Variants in PCDHGB1 observed in about 807,000 individuals in gnomAD.
PCDHGB1 encodes the protein protocadherin gamma-B1.
A neutral mutation model predicts 56.6 loss-of-function variants in PCDHGB1; 34 were observed. The observed-to-expected ratio is 0.60, with a 90% CI of 0.46 to 0.80. The LOEUF is 0.80. Ranked by LOEUF, PCDHGB1 falls within the 30% of genes least tolerant of loss-of-function variation. PCDHGB1 has a pLI of 0.00. For synonymous variants in PCDHGB1, 561 were observed against 505.9 expected, an observed-to-expected ratio of 1.11 and a Z score of -1.46; for missense variants, 1,278 against 1,204.6, an observed-to-expected ratio of 1.06 and a Z score of -0.90.
At chr5:141,381,990 C>T (rs1182122495) in intron 1 of PCDHGB1, among the ~76,000 whole-genome samples, 1 of 151,686 alleles carries the variant, frequency 6.6e-6, no homozygotes, top group Middle Eastern at 3.4e-3. Flanking sequence ...CCACCACGCC[C>T]GGATAATTTT....
At chr5:141,372,309 C>A in intron 1 of PCDHGB1, 1 of 1,613,518 alleles carries the variant, frequency 6.2e-7, no homozygotes, top group Non-Finnish European at 8.5e-7. Flanking sequence ...GGAGGCCGCC[C>A]GCCAGCGCCT....
At chr5:141,357,481 G>A (rs1760624394) in intron 1 of PCDHGB1, 15 of 1,614,106 alleles carry the variant, frequency 9.3e-6, no homozygotes, top group Non-Finnish European at 1.3e-5. Context: ...CTCCCTCACC[G>A]CGGACTCGCG....
At chr5:141,445,524 TA>T (rs1180348783) in intron 1 of PCDHGB1, among the ~76,000 whole-genome samples, 1 of 152,192 alleles carries the variant, frequency 6.6e-6, no homozygotes, top group Admixed American at 6.5e-5. Flanking sequence ...ACAGGTCTGA[TA>T]AAAGCCAACA....
chr5:141,393,815 C>T (rs2092850609), intron 1 of PCDHGB1: 1 of 1,613,922 alleles, frequency 6.2e-7, no homozygotes, highest in Non-Finnish European at 8.5e-7. Context: ...CCAAATTGCT[C>T]ATTTCGGTGG....
At chr5:141,438,741 A>T (rs1184994731) in intron 1 of PCDHGB1, among the ~76,000 whole-genome samples, 3 of 148,914 alleles carry the variant, frequency 2.0e-5, no homozygotes, top group South Asian at 2.1e-4. Context: ...AGCTCACTGC[A>T]ACCTCTGCCT....
At chr5:141,408,500 A>G in intron 1 of PCDHGB1, 1 of 1,614,018 alleles carries the variant, frequency 6.2e-7, no homozygotes, top group Non-Finnish European at 8.5e-7. Context: ...CAAAGAGAGA[A>G]GAAGATGTGA....
At chr5:141,354,049 T>A (rs1339397353) in intron 1 of PCDHGB1, among the ~76,000 whole-genome samples, 1 of 152,250 alleles carries the variant, frequency 6.6e-6, no homozygotes, top group Non-Finnish European at 1.5e-5. Flanking sequence ...GCACATGCAA[T>A]GATAATCCAT....
At position 141,350,955 on chromosome 5, in the gene PCDHGB1, C is replaced by T. The variant is rs1440968204; in HGVS notation, c.695C>T (p.Ala232Val). Reference protein sequence around the residue: ...TTHIWIRVTDANDNAPVFSQE... With the variant: ...TTHIWIRVTDVNDNAPVFSQE... The stretch of plus-strand genomic sequence containing the variant: ...CATATCTGGATCCGAGTTACGGATG[C>T]CAATGATAATGCTCCCGTGTTTAGC... The change falls in exon 1 of 4, where the codon GCC becomes GTC. Residue 232 changes from alanine to valine, a missense_variant. Coordinates refer to ENST00000523390, the MANE Select transcript of PCDHGB1 (RefSeq NM_018922.3). 6.2e-7 allele frequency: 1 copy of T among 1,614,070 alleles called. No individual in the cohort carries two copies. The highest frequency in any genetic ancestry group is 8.5e-7 in the Non-Finnish European group (1 of 1,179,906).
At chr5:141,461,225 T>C (rs1157429654) in intron 1 of PCDHGB1, among the ~76,000 whole-genome samples, 3 of 152,162 alleles carry the variant, frequency 2.0e-5, no homozygotes, top group African/African-American at 7.2e-5. Flanking sequence ...CTGTTTTCCA[T>C]AGAGGTTGTA....
rs1561863226 is a variant in PCDHGB1, at chr5:141,432,653, C to T, written c.2410-62154C>T. On this transcript the variant is annotated intron_variant, in intron 1 of 3. Transcript: ENST00000523390. The surrounding 1 kb of genome is among the most constrained non-coding windows in gnomAD (Gnocchi z 6.0). Reference sequence around the variant, plus strand: ...GGGCGAGGTGCGCACGGCGCGAGCCCTGCTGGACAGAGACGCGCTCAAGCA... The same window carrying T: ...GGGCGAGGTGCGCACGGCGCGAGCCTTGCTGGACAGAGACGCGCTCAAGCA... 5 of 1,613,852 alleles carry T rather than the reference C, an allele frequency of 3.1e-6. No individual in the cohort carries two copies. In the South Asian group the frequency reaches 4.4e-5, roughly 14 times the overall value.
At chr5:141,472,295 A>G (rs147192748) in intron 1 of PCDHGB1, among the ~76,000 whole-genome samples, 8,225 of 152,254 alleles carry the variant, frequency 0.054, 462 homozygotes, top group African/African-American at 0.15. Flanking sequence ...TAATCCCAGC[A>G]CTTTGGGAAG....
chr5:141,485,341 G>C lies in PCDHGB1; in HGVS notation c.2410-9466G>C. 1.2e-6 allele frequency: 2 copies of C among 1,614,118 alleles called. No homozygotes were observed. Among genetic ancestry groups the C allele is most frequent in the Non-Finnish European group, 8.5e-7 (1 of 1,180,022 alleles). ...TCGCTCAAGATTTCCTGCTGGATAC[G>C]GACAGTCTGTCAGCTCGCAGGCTGC... On this transcript the variant is annotated intron_variant, in intron 1 of 3. Coordinates refer to ENST00000523390, the MANE Select transcript of PCDHGB1 (RefSeq NM_018922.3). The surrounding 1 kb of genome is among the most constrained non-coding windows in gnomAD (Gnocchi z 5.7).
chr5:141,479,939 A>G (rs763454741), intron 1 of PCDHGB1, among the ~76,000 whole-genome samples: 2 of 152,004 alleles, frequency 1.3e-5, no homozygotes, highest in Non-Finnish European at 2.9e-5. Flanking sequence ...ATTGCTATCA[A>G]CTCTTGGATT....
intron 1 of PCDHGB1, chr5:141,357,466 G>T: frequency 6.2e-7 from 1 of 1,614,180 alleles, no homozygotes; most frequent in South Asian, 1.1e-5. Flanking sequence ...CTATTCCCAC[G>T]AGGTCTCCCT....
At chr5:141,361,195 A>G (rs369211493) in intron 1 of PCDHGB1, 1 of 1,613,692 alleles carries the variant, frequency 6.2e-7, no homozygotes, top group Non-Finnish European at 8.5e-7. Context: ...TTCAGTATCT[A>G]CTCCCCTACC....
At chr5:141,430,689 T>A in intron 1 of PCDHGB1, 1 of 1,408,998 alleles carries the variant, frequency 7.1e-7, no homozygotes, top group Non-Finnish European at 9.4e-7. Flanking sequence ...TCCCATTCTA[T>A]GGGCGAAGGA....
At chr5:141,488,834 G>A (rs976460724) in intron 1 of PCDHGB1, among the ~76,000 whole-genome samples, 1 of 152,160 alleles carries the variant, frequency 6.6e-6, no homozygotes, top group Admixed American at 6.5e-5. Context: ...GCTGCCAAGG[G>A]GGCTGAATCA....
chr5:141,488,714 A>G (rs2099678684), intron 1 of PCDHGB1, among the ~76,000 whole-genome samples: 1 of 152,192 alleles, frequency 6.6e-6, no homozygotes, highest in Non-Finnish European at 1.5e-5. Flanking sequence ...TGGTTCAAGC[A>G]AAGTGGTGGA....
At chr5:141,455,041 T>C (rs971722465) in intron 1 of PCDHGB1, among the ~76,000 whole-genome samples, 2 of 151,234 alleles carry the variant, frequency 1.3e-5, no homozygotes, top group Non-Finnish European at 2.9e-5. Flanking sequence ...CTCGATCTCC[T>C]GACCTCGTGA....
Sources: gnomAD v4.1 joint callset for allele counts (sites outside exome capture counted in the v4.1 genomes callset) on GRCh38, gnomAD v4.1.1 for gene constraint, Gnocchi (gnomAD v3.1) non-coding constraint, MANE v1.5 for transcripts, NCBI Gene and HGNC (gene_info 2026-07-23, HGNC 2026-07-21) for gene names.